The following PDE4D variants were observed in gnomAD, a reference collection of about 807,000 sequenced individuals.
PDE4D encodes phosphodiesterase 4D, also known as 3',5'-cyclic-AMP phosphodiesterase 4D.
In PDE4D, 24 loss-of-function variants were observed where a neutral mutation model predicts 87.4. The ratio of observed to expected loss-of-function variants is 0.27; its 90% CI spans 0.20 to 0.39. PDE4D has a LOEUF of 0.39. PDE4D is among the 10% of genes least tolerant of loss of function. The pLI, the probability that PDE4D is intolerant of heterozygous loss-of-function variation, is 1.00. For synonymous variants in PDE4D, 384 were observed against 383.2 expected (o/e 1.00, Z -0.02); for missense variants, 714 against 1,041.0 (o/e 0.69, Z 4.32).
intron 1 of PDE4D, among the ~76,000 whole-genome samples, chr5:59,608,772 T>G (rs1352578102): frequency 6.6e-6 from 1 of 152,118 alleles, no homozygotes; most frequent in Non-Finnish European, 1.5e-5. Context: ...CCCCTCCCAC[T>G]CTATCCCAGG....
chr5:60,317,222 G>A (rs1048443351), intron 1 of PDE4D, among the ~76,000 whole-genome samples: 27 of 152,238 alleles, frequency 1.8e-4, no homozygotes, highest in African/African-American at 6.0e-4. Context: ...TTGGGAGGGT[G>A]TATTTGTCCA....
At chr5:60,395,893 G>A (rs1357351962) in intron 1 of PDE4D, among the ~76,000 whole-genome samples, 2 of 152,008 alleles carry the variant, frequency 1.3e-5, no homozygotes, top group East Asian at 1.9e-4. Flanking sequence ...GCTTAAGCCT[G>A]CCCATTACCA....
intron 1 of PDE4D, among the ~76,000 whole-genome samples, chr5:60,429,137 G>A (rs1743972892): frequency 6.6e-6 from 1 of 152,176 alleles, no homozygotes; most frequent in African/African-American, 2.4e-5. Flanking sequence ...CTATCCATGA[G>A]CATGGAATGT....
At chr5:60,321,893 GTT>G (rs34510283) in intron 1 of PDE4D, among the ~76,000 whole-genome samples, 6 of 148,460 alleles carry the variant, frequency 4.0e-5, no homozygotes, top group Middle Eastern at 3.5e-3. Flanking sequence ...AAAAAATACT[GTT>G]TTTTTTTTTA....
At chr5:59,643,846 T>C (rs1031760279) in intron 1 of PDE4D, among the ~76,000 whole-genome samples, 3 of 152,242 alleles carry the variant, frequency 2.0e-5, no homozygotes, top group African/African-American at 4.8e-5. Flanking sequence ...ACTTTAATCA[T>C]TGGCCTATTA....
chr5:59,120,431 C>T (rs1774290797), intron 5 of PDE4D, among the ~76,000 whole-genome samples: 1 of 152,074 alleles, frequency 6.6e-6, no homozygotes, highest in Non-Finnish European at 1.5e-5. Context: ...ATGTGTCAGG[C>T]ACTTTGAGTA....
chr5:59,124,714 T>C (rs1561526842), intron 5 of PDE4D, among the ~76,000 whole-genome samples: 2 of 152,176 alleles, frequency 1.3e-5, no homozygotes, highest in Non-Finnish European at 2.9e-5. Context: ...AACATATTCG[T>C]TTGTGAATAA....
chr5:59,421,333 G>T (rs1281741575), intron 1 of PDE4D, among the ~76,000 whole-genome samples: 2 of 152,102 alleles, frequency 1.3e-5, no homozygotes, highest in Non-Finnish European at 2.9e-5. Context: ...TGTGAATATT[G>T]CTATAGCAAT....
chr5:59,663,565 G>A (rs762680465), intron 1 of PDE4D, among the ~76,000 whole-genome samples: 8 of 152,046 alleles, frequency 5.3e-5, no homozygotes, highest in Middle Eastern at 3.4e-3. Flanking sequence ...TCTGATGCTT[G>A]CTTGATTATA....
chr5:59,002,082 T>C (rs372368320), intron 6 of PDE4D: 1 of 515,592 alleles, frequency 1.9e-6, no homozygotes, highest in African/African-American at 1.9e-5. Context: ...TCCCGTAATC[T>C]GAATCCAAAT....
chr5:59,145,445 T>G (rs938911135), intron 5 of PDE4D, among the ~76,000 whole-genome samples: 1 of 152,312 alleles, frequency 6.6e-6, no homozygotes, highest in East Asian at 1.9e-4. Flanking sequence ...TCTTAAGAAA[T>G]TTACTGAACA....
intron 5 of PDE4D, among the ~76,000 whole-genome samples, chr5:59,090,492 G>A (rs1474827697): frequency 2.6e-5 from 4 of 152,102 alleles, no homozygotes; most frequent in African/African-American, 7.2e-5. Flanking sequence ...GAAGATTAGT[G>A]AGACAATGGC....
intron 1 of PDE4D, among the ~76,000 whole-genome samples, chr5:59,248,066 AAAAAGT>A: frequency 6.8e-6 from 1 of 147,028 alleles, no homozygotes; most frequent in Non-Finnish European, 1.5e-5. Flanking sequence ...AAAAAAAAAA[AAAAAGT>A]GCAAGCACCT....
chr5:60,272,525 A>T (rs1750919659), intron 1 of PDE4D, among the ~76,000 whole-genome samples: 1 of 152,222 alleles, frequency 6.6e-6, no homozygotes. Context: ...TTTATCACTC[A>T]ACAGAGAAGA....
intron 1 of PDE4D, among the ~76,000 whole-genome samples, chr5:59,293,070 G>T (rs2153556460): frequency 6.6e-6 from 1 of 152,232 alleles, no homozygotes; most frequent in Non-Finnish European, 1.5e-5. Flanking sequence ...AATTGTGGTT[G>T]CCAGCTTTGA....
At chr5:59,854,865 A>G (rs1038266995) in intron 1 of PDE4D, among the ~76,000 whole-genome samples, 5 of 152,094 alleles carry the variant, frequency 3.3e-5, no homozygotes, top group Non-Finnish European at 5.9e-5. Flanking sequence ...GTTGGCAGGA[A>G]TGGGGGACAG....
At chr5:59,188,692 G>T (rs1483822743) in intron 3 of PDE4D, among the ~76,000 whole-genome samples, 1 of 152,208 alleles carries the variant, frequency 6.6e-6, no homozygotes, top group Non-Finnish European at 1.5e-5. Context: ...CGCACTGGGA[G>T]AGATTCATTA....
At chr5:59,515,215 C>A (rs1028312634) in intron 1 of PDE4D, among the ~76,000 whole-genome samples, 1 of 152,182 alleles carries the variant, frequency 6.6e-6, no homozygotes, top group Admixed American at 6.5e-5. Context: ...TGGAAGCATG[C>A]TCTTTAATTG....
At chr5:60,293,952 T>C (rs753288410) in intron 1 of PDE4D, among the ~76,000 whole-genome samples, 1 of 152,220 alleles carries the variant, frequency 6.6e-6, no homozygotes, top group Non-Finnish European at 1.5e-5. Context: ...GGGTAAACAA[T>C]AGGAGTGGAA....
Sources: gnomAD v4.1 joint callset for allele counts (sites outside exome capture counted in the v4.1 genomes callset) on GRCh38, gnomAD v4.1.1 for gene constraint, MANE v1.5 for transcripts, NCBI Gene and HGNC (gene_info 2026-07-23, HGNC 2026-07-21) for gene names.